Variants in IGF2BP3 observed in about 807,000 individuals in gnomAD.
The protein encoded by IGF2BP3 is insulin-like growth factor 2 mRNA-binding protein 3.
In IGF2BP3, 9 loss-of-function variants were observed where a neutral mutation model predicts 73.8. The ratio of observed to expected loss-of-function variants is 0.12; its 90% confidence interval spans 0.07 to 0.21. IGF2BP3 has a LOEUF of 0.21. IGF2BP3 is among the 10% of genes least tolerant of loss of function. The probability of loss-of-function intolerance (pLI) is 1.00; values close to 1 mark genes in which losing one functional copy is unlikely to be tolerated. For synonymous variants in IGF2BP3, 258 were observed against 256.7 expected (o/e 1.01, Z -0.05); for missense variants, 542 against 714.0 (o/e 0.76, Z 2.75).
chr7:23,413,495 A>C (rs1787094110), intron 3 of IGF2BP3: 1 of 152,144 alleles, frequency 6.6e-6, no homozygotes, highest in African/African-American at 2.4e-5. Context: ...AAAACAAAAC[A>C]ACAACAAAAA....
Position 23,361,739 on chromosome 7 carries a change from C to T in IGF2BP3, c.288G>A (p.Val96=), listed in dbSNP as rs767453416. The T allele has an allele frequency of 1.9e-6, 3 of 1,610,098 alleles. No homozygotes were observed. In the Admixed American group the frequency reaches 5.1e-5, roughly 27 times the overall value. ...CATACTGGACTAGTAAACTATCCAG[C>T]ACCTATCAGGAGGGGGAGAGAAAAT... The part of the protein sequence containing the change: ...RNIPPHLQWE[V]LDSLLVQYGV... The change falls in exon 4 of 15, where the codon GTG becomes GTA. Residue 96 remains valine, a splice_region_variant and synonymous_variant. Transcript: ENST00000258729.
intron 14 of IGF2BP3, 79 bp from the exon 15 acceptor site, chr7:23,312,539 T>G (rs1028110131): frequency 1.8e-6 from 2 of 1,090,350 alleles, no homozygotes; most frequent in Non-Finnish European, 2.8e-6. Context: ...TTCAACAATT[T>G]CAAATAGAAA....
intron 2 of IGF2BP3, among the ~76,000 whole-genome samples, chr7:23,456,412 C>T (rs1222986193): frequency 3.9e-5 from 6 of 152,178 alleles, no homozygotes; most frequent in Admixed American, 3.9e-4. Context: ...AAAATGTGGA[C>T]CTTCTTGAAG....
chr7:23,369,883 T>C (rs1415972489), intron 3 of IGF2BP3, among the ~76,000 whole-genome samples: 1 of 152,154 alleles, frequency 6.6e-6, no homozygotes, highest in Non-Finnish European at 1.5e-5. Flanking sequence ...AGCCTTCTGC[T>C]GACTGCTTAT....
chr7:23,435,226 G>A (rs1042960355), intron 2 of IGF2BP3, among the ~76,000 whole-genome samples: 2 of 146,230 alleles, frequency 1.4e-5, no homozygotes, highest in African/African-American at 2.5e-5. Flanking sequence ...CCGGGAGGCG[G>A]AGGTTGCAGT....
intron 10 of IGF2BP3, among the ~76,000 whole-genome samples, chr7:23,338,456 T>C (rs943063628): frequency 3.3e-5 from 5 of 152,134 alleles, no homozygotes; most frequent in Non-Finnish European, 7.3e-5. Context: ...AGGAGTTCAA[T>C]TCCAGCCTGG....
At chr7:23,320,947 C>CAAAAAAAAAAAAAAAAAAAA (rs70966008) in intron 10 of IGF2BP3, among the ~76,000 whole-genome samples, 6 of 96,458 alleles carry the variant, frequency 6.2e-5, no homozygotes, top group African/African-American at 5.0e-5. Flanking sequence ...AACTCTGTCT[C>CAAAAAAAAAAAAAAAAAAAA]AAAAAAAAAA....
chr7:23,468,805 C>T (rs967847987), intron 1 of IGF2BP3, among the ~76,000 whole-genome samples: 9 of 152,200 alleles, frequency 5.9e-5, no homozygotes, highest in African/African-American at 2.2e-4. Flanking sequence ...CCCCACCCAC[C>T]CCTGGGGGCC....
At chr7:23,313,406 G>C in intron 13 of IGF2BP3, 116 bp downstream of exon 13, 1 of 1,144,268 alleles carries the variant, frequency 8.7e-7, no homozygotes, top group Non-Finnish European at 1.2e-6. Context: ...TCCAAACCTT[G>C]GTCAAGATGG....
intron 14 of IGF2BP3, 129 bp from the exon 15 acceptor site, chr7:23,312,589 A>G: frequency 1.1e-6 from 1 of 893,810 alleles, no homozygotes. Context: ...TCAGTTTGCT[A>G]GTAGTCTCTG....
intron 3 of IGF2BP3, among the ~76,000 whole-genome samples, chr7:23,380,748 C>T (rs925790106): frequency 6.6e-5 from 10 of 152,274 alleles, no homozygotes; most frequent in Middle Eastern, 3.4e-3. Flanking sequence ...TTTGGACGGA[C>T]ACACACAGGG....
intron 3 of IGF2BP3, among the ~76,000 whole-genome samples, chr7:23,382,993 A>C (rs767551141): frequency 6.7e-6 from 1 of 150,126 alleles, no homozygotes; most frequent in Admixed American, 6.7e-5. Context: ...GGATCATTTG[A>C]GCCCAGGAAA....
intron 3 of IGF2BP3, chr7:23,416,156 C>G (rs1046422043): frequency 6.6e-6 from 1 of 152,054 alleles, no homozygotes; most frequent in Non-Finnish European, 1.5e-5. Flanking sequence ...AACTAGATCA[C>G]ACAATGAGAA....
chr7:23,395,610 C>A (rs535453984), intron 3 of IGF2BP3, among the ~76,000 whole-genome samples: 29 of 150,788 alleles, frequency 1.9e-4, no homozygotes, highest in African/African-American at 4.9e-4. Context: ...CCCACCCCCC[C>A]AAAAAAAGAA....
At chr7:23,432,996 G>A (rs79657736) in intron 2 of IGF2BP3, among the ~76,000 whole-genome samples, 4,034 of 152,244 alleles carry the variant, frequency 0.026, 197 homozygotes, top group African/African-American at 0.092. Context: ...ACACGCAGTT[G>A]AACAGTTACT....
chr7:23,321,280 G>A (rs1416499332), intron 10 of IGF2BP3, among the ~76,000 whole-genome samples: 4 of 152,214 alleles, frequency 2.6e-5, no homozygotes, highest in Non-Finnish European at 5.9e-5. Flanking sequence ...GGGTCAGGGA[G>A]TTCCCTTTCC....
intron 3 of IGF2BP3, among the ~76,000 whole-genome samples, chr7:23,381,241 A>T (rs148937986): frequency 1.3e-5 from 2 of 152,332 alleles, no homozygotes; most frequent in African/African-American, 4.8e-5. Flanking sequence ...CTTCAAAGGC[A>T]GATATTAACC....
At position 23,409,931 on chromosome 7, in the gene IGF2BP3, G is replaced by C. The variant is rs551605276; in HGVS notation, c.285+8845C>G. Among the ~76,000 whole-genome samples, 16 of 152,286 alleles carry C rather than the reference G, an allele frequency of 1.1e-4. No homozygotes were observed. The South Asian group carries it at 1.4e-3, about 14-fold the overall frequency. On this transcript the variant is annotated intron_variant, in intron 3 of 14. Transcript: ENST00000258729. ...AGCCTCTAATCCCAGCACTTTGGGA[G>C]GCCAAGATGGGTTGATCACCTGAGG...
chr7:23,465,432 G>C (rs1335540011), intron 2 of IGF2BP3, among the ~76,000 whole-genome samples: 1 of 152,156 alleles, frequency 6.6e-6, no homozygotes, highest in Non-Finnish European at 1.5e-5. Context: ...ATGCAGAAAA[G>C]CCACATTCCT....
Sources: allele counts gnomAD v4.1 joint callset (sites outside exome capture counted in the v4.1 genomes callset), GRCh38; gene constraint gnomAD v4.1.1; transcripts MANE v1.5; gene names NCBI Gene and HGNC (gene_info 2026-07-23, HGNC 2026-07-21).